Variants in OCA2 observed in about 807,000 individuals in gnomAD.
The protein encoded by OCA2 is P protein.
Under a neutral mutation model 100.2 loss-of-function variants are expected in OCA2, and 77 were observed. The ratio of observed to expected loss-of-function variants is 0.77; its 90% CI spans 0.64 to 0.93. The LOEUF (loss-of-function observed/expected upper bound fraction) is 0.93, where lower values mean the gene tolerates loss of function less well. OCA2 is among the 40% of genes least tolerant of loss of function. The probability of loss-of-function intolerance (pLI) is 0.00; values close to 1 mark genes in which losing one functional copy is unlikely to be tolerated. For synonymous variants in OCA2, 432 were observed against 439.2 expected, an observed-to-expected ratio of 0.98 and a Z score of 0.21; for missense variants, 1,062 against 1,089.1, an observed-to-expected ratio of 0.98 and a Z score of 0.35.
chr15:28,038,193 A>T (rs1472469898), intron 2 of OCA2, among the ~76,000 whole-genome samples: 1 of 152,212 alleles, frequency 6.6e-6, no homozygotes, highest in Non-Finnish European at 1.5e-5. Flanking sequence ...GCAAACTAGC[A>T]GGCAGTGGTA....
chr15:28,080,758 C>T (rs1162406048), intron 2 of OCA2, among the ~76,000 whole-genome samples: 2 of 152,216 alleles, frequency 1.3e-5, no homozygotes. Flanking sequence ...TATGGCCCAA[C>T]AAAGACAGTC....
At chr15:27,850,007 C>T (rs879530115) in intron 22 of OCA2, among the ~76,000 whole-genome samples, 2 of 152,138 alleles carry the variant, frequency 1.3e-5, no homozygotes, top group African/African-American at 4.8e-5. Flanking sequence ...TCATTATTCG[C>T]TGCATCCCTG....
At chr15:27,864,440 A>C (rs2036246836) in intron 21 of OCA2, among the ~76,000 whole-genome samples, 1 of 152,222 alleles carries the variant, frequency 6.6e-6, no homozygotes, top group Admixed American at 6.5e-5. Context: ...TTTTTAAAAA[A>C]TTGTAAAGCT....
At chr15:28,016,271 G>T in intron 7 of OCA2, 85 bp from the exon 8 acceptor site, 2 of 1,057,528 alleles carry the variant, frequency 1.9e-6, no homozygotes, top group Non-Finnish European at 3.0e-6. Flanking sequence ...CTAGGTATTT[G>T]TTTCAAAAAA....
chr15:27,890,761 C>T (rs149404316), intron 19 of OCA2, among the ~76,000 whole-genome samples: 2,359 of 152,214 alleles, frequency 0.015, 54 homozygotes, highest in African/African-American at 0.05. Flanking sequence ...GGTGTGGTGG[C>T]CCACACCTGT....
chr15:27,900,014 C>G (rs889243561), intron 19 of OCA2, among the ~76,000 whole-genome samples: 1 of 152,120 alleles, frequency 6.6e-6, no homozygotes, highest in Non-Finnish European at 1.5e-5. Context: ...GGTACCATTA[C>G]CTTTATTACC....
chr15:27,914,050 G>C (rs2038570442), intron 19 of OCA2, among the ~76,000 whole-genome samples: 3 of 151,860 alleles, frequency 2.0e-5, no homozygotes, highest in Admixed American at 2.0e-4. Flanking sequence ...CTATGATTAG[G>C]CTCTATCTCT....
intron 19 of OCA2, among the ~76,000 whole-genome samples, chr15:27,891,070 C>A (rs987827321): frequency 6.6e-6 from 1 of 151,078 alleles, no homozygotes; most frequent in African/African-American, 2.4e-5. Context: ...GCAAAAGGAA[C>A]TGAAAAAGCA....
intron 2 of OCA2, among the ~76,000 whole-genome samples, chr15:28,051,822 C>T (rs1045229563): frequency 3.9e-5 from 6 of 152,096 alleles, no homozygotes; most frequent in Admixed American, 2.6e-4. Flanking sequence ...GGTCAGATTT[C>T]GTCCTCATGT....
intron 21 of OCA2, among the ~76,000 whole-genome samples, chr15:27,862,514 G>A (rs1011174533): frequency 1.5e-4 from 21 of 142,576 alleles, no homozygotes; most frequent in African/African-American, 2.4e-4. Context: ...TCACTCTTTC[G>A]CCCAGACTGG....
At position 28,072,138 on chromosome 15, in the gene OCA2, C is replaced by T. The variant is rs541138431; in HGVS notation, c.227+9510G>A. On this transcript the variant is annotated intron_variant, in intron 2 of 23. Transcript: ENST00000354638. Reference sequence around the variant, plus strand: ...ATCCCAGCACTTTGGGAGGCCGAAGCGGGTGGATCACCAGGTCAGGAGGTG... The same window carrying T: ...ATCCCAGCACTTTGGGAGGCCGAAGTGGGTGGATCACCAGGTCAGGAGGTG... Among the ~76,000 whole-genome samples, 6 of 152,240 alleles carry T rather than the reference C, an allele frequency of 3.9e-5. No individual in the cohort carries two copies. The South Asian group carries it at 8.3e-4, about 21-fold the overall frequency.
intron 2 of OCA2, among the ~76,000 whole-genome samples, chr15:28,070,351 G>A (rs1293561852): frequency 5.6e-5 from 8 of 143,420 alleles, no homozygotes; most frequent in Non-Finnish European, 1.1e-4. Flanking sequence ...CGCCCCGTCC[G>A]GGAGGTGAGG....
chr15:27,775,076 G>GTGTGTGTA (rs1389780028), intron 23 of OCA2, among the ~76,000 whole-genome samples: 2 of 140,212 alleles, frequency 1.4e-5, no homozygotes, highest in Non-Finnish European at 3.3e-5. Context: ...GTGTGTGTGT[G>GTGTGTGTA]TGTGTGTGTG....
At chr15:27,780,350 T>A (rs1026633757) in intron 23 of OCA2, among the ~76,000 whole-genome samples, 9 of 152,338 alleles carry the variant, frequency 5.9e-5, no homozygotes, top group Admixed American at 4.6e-4. Flanking sequence ...CCTCTGGGCA[T>A]TCCCCTTTGG....
chr15:28,027,254 G>A (rs1042702528), intron 4 of OCA2, among the ~76,000 whole-genome samples: 4 of 151,954 alleles, frequency 2.6e-5, no homozygotes, highest in Non-Finnish European at 4.4e-5. Context: ...CACGCCCGCC[G>A]TCCCCCTACG....
chr15:27,728,400 T>C, the OCA2 span, among the ~76,000 whole-genome samples: 5 of 152,288 alleles, frequency 3.3e-5, no homozygotes, highest in Middle Eastern at 3.4e-3. Context: ...TACCCCCTTT[T>C]TTTTTTCTAA....
intron 19 of OCA2, among the ~76,000 whole-genome samples, chr15:27,912,066 C>T (rs2038418105): frequency 6.6e-6 from 1 of 152,070 alleles, no homozygotes; most frequent in African/African-American, 2.4e-5. Context: ...ATATTGTAGA[C>T]AGTGAGAGCA....
intron 6 of OCA2, among the ~76,000 whole-genome samples, chr15:28,019,212 G>A (rs1249816692): frequency 6.6e-6 from 1 of 151,944 alleles, no homozygotes; most frequent in Non-Finnish European, 1.5e-5. Flanking sequence ...GAGAATGAAA[G>A]GGATGGGGAA....
intron 21 of OCA2, among the ~76,000 whole-genome samples, chr15:27,860,862 C>T (rs548357835): frequency 6.6e-6 from 1 of 152,248 alleles, no homozygotes; most frequent in Admixed American, 6.5e-5. Context: ...ACTATGGCTG[C>T]AGTGAAGTCA....
Sources: gnomAD v4.1 joint callset for allele counts (sites outside exome capture counted in the v4.1 genomes callset) on GRCh38, gnomAD v4.1.1 for gene constraint, MANE v1.5 for transcripts, NCBI Gene and HGNC (gene_info 2026-07-23, HGNC 2026-07-21) for gene names.